The following CNOT6L variants were observed in gnomAD, a reference collection of about 807,000 sequenced individuals.
The protein encoded by CNOT6L is CCR4-NOT transcription complex subunit 6-like.
Under a neutral mutation model 64.0 loss-of-function variants are expected in CNOT6L, and 7 were observed. That is an observed-to-expected ratio of 0.11 (90% CI 0.06 to 0.21). The LOEUF is 0.21. Ranked by LOEUF, CNOT6L falls within the 10% of genes least tolerant of loss-of-function variation. The probability of loss-of-function intolerance (pLI) is 1.00; values close to 1 mark genes in which losing one functional copy is unlikely to be tolerated. For synonymous variants in CNOT6L, 193 were observed against 243.4 expected (o/e 0.79, Z 1.93); for missense variants, 245 against 669.0 (o/e 0.37, Z 6.99).
intron 5 of CNOT6L, among the ~76,000 whole-genome samples, chr4:77,753,457 G>T (rs1472712244): frequency 6.6e-6 from 1 of 152,034 alleles, no homozygotes; most frequent in African/African-American, 2.4e-5. Flanking sequence ...GATTGCTTGA[G>T]GTCAGGAGTT....
rs1722309581 is a variant in CNOT6L, at chr4:77,730,363, T to C, written c.1024+1024A>G. Among the ~76,000 whole-genome samples the C allele has an allele frequency of 1.3e-5, 2 of 152,048 alleles. 1 individual carries two copies. Among genetic ancestry groups the C allele is most frequent in the Non-Finnish European group, 2.9e-5 (2 of 67,962 alleles). ...GATTAAGTATTCACAATATTAAAAA[T>C]TTTCCCCTTCAAAGAGCCATAAGCA... On this transcript the variant is annotated intron_variant, in intron 9 of 11. Transcript: ENST00000504123.
intron 4 of CNOT6L, among the ~76,000 whole-genome samples, chr4:77,759,953 G>A (rs1051525481): frequency 3.3e-5 from 5 of 152,120 alleles, no homozygotes; most frequent in Non-Finnish European, 7.4e-5. Flanking sequence ...AAAACATACA[G>A]TTATGGCCTA....
rs1028809540 is a variant in CNOT6L at position 77,818,967 on chromosome 4, C to T, written c.5+337G>A. The stretch of plus-strand genomic sequence containing the variant: ...TCCCCGGCCGGCCCCCTAGGAGCAG[C>T]TCTCACCTGCGAGGCTCGGGAGCCG... On this transcript the variant is annotated intron_variant, in intron 1 of 11. Transcript: ENST00000504123. The T allele has an allele frequency of 1.5e-5, 10 of 666,242 alleles. No homozygotes were observed. The Admixed American group carries it at 1.7e-4, about 11-fold the overall frequency. The allele number at this position is 666,242 out of a possible 1,614,324, so 41.3% of individuals were successfully genotyped here.
At chr4:77,801,250 T>C (rs1346488445) in intron 1 of CNOT6L, among the ~76,000 whole-genome samples, 2 of 152,152 alleles carry the variant, frequency 1.3e-5, no homozygotes, top group Non-Finnish European at 1.5e-5. Flanking sequence ...CCCACAAAGG[T>C]AGCAGAGTCT....
At chr4:77,796,535 C>T (rs766043055) in intron 1 of CNOT6L, among the ~76,000 whole-genome samples, 17 of 152,178 alleles carry the variant, frequency 1.1e-4, no homozygotes, top group South Asian at 6.2e-4. Flanking sequence ...CATGATTCTA[C>T]GTTTCCTGAG....
intron 5 of CNOT6L, among the ~76,000 whole-genome samples, chr4:77,755,304 A>G (rs1430050502): frequency 1.7e-5 from 2 of 119,682 alleles, no homozygotes; most frequent in Non-Finnish European, 3.2e-5. Context: ...GCAGTGGCGC[A>G]ATCTCGGGTT....
intron 1 of CNOT6L, among the ~76,000 whole-genome samples, chr4:77,797,894 T>C (rs1413002634): frequency 6.6e-6 from 1 of 152,160 alleles, no homozygotes; most frequent in Non-Finnish European, 1.5e-5. Flanking sequence ...ATAAAATATC[T>C]AGAAGAAAAC....
At chr4:77,819,488 G>C (rs988847871), upstream of CNOT6L, 1 of 1,333,920 alleles carries the variant, frequency 7.5e-7, no homozygotes, top group African/African-American at 1.5e-5. Flanking sequence ...CCCGCCCCGA[G>C]GGGAAGCCGC....
At chr4:77,784,976 G>A (rs1402819669) in intron 1 of CNOT6L, among the ~76,000 whole-genome samples, 4 of 152,056 alleles carry the variant, frequency 2.6e-5, no homozygotes, top group Non-Finnish European at 4.4e-5. Context: ...ATCTAAAATA[G>A]CCAGTACACT....
chr4:77,722,233 A>G (rs1267675303), intron 11 of CNOT6L, among the ~76,000 whole-genome samples: 1 of 152,128 alleles, frequency 6.6e-6, no homozygotes. Context: ...AACACATGAA[A>G]TAATCTCAAT....
chr4:77,819,517 T>G (rs2110208522), upstream of CNOT6L: 9 of 877,062 alleles, frequency 1.0e-5, no homozygotes, highest in East Asian at 8.3e-5. Flanking sequence ...ACAGGGCCCG[T>G]AACCGGGGCT....
At chr4:77,755,827 G>A (rs1231412872) in intron 5 of CNOT6L, among the ~76,000 whole-genome samples, 3 of 151,046 alleles carry the variant, frequency 2.0e-5, no homozygotes, top group Non-Finnish European at 4.4e-5. Context: ...TTTTCTAGCT[G>A]TTTCAGAATT....
At chr4:77,809,813 C>CT (rs1732703859) in intron 1 of CNOT6L, among the ~76,000 whole-genome samples, 1 of 151,930 alleles carries the variant, frequency 6.6e-6, no homozygotes, top group Admixed American at 6.6e-5. Flanking sequence ...AGAGTTTAAA[C>CT]TTTAAGATTA....
At position 77,776,347 on chromosome 4, in the gene CNOT6L, G is replaced by A. The variant is rs994896103; in HGVS notation, c.51C>T (p.Arg17=). Residue 17 remains arginine (R), a synonymous_variant, in exon 2 of 12, where the codon CGC becomes CGT. Coordinates refer to ENST00000504123, the MANE Select transcript of CNOT6L (RefSeq NM_144571.3). ...PKEKYDPPDP[R]RIYTIMSAEE... ...CTGCTGACATGATGGTATAAATTCT[G>A]CGAGGATCTGGAGGATCATATTTTT... The A allele has an allele frequency of 1.9e-6, 3 of 1,610,240 alleles. No individual in the cohort carries two copies. In the African/African-American group the frequency reaches 4.0e-5, roughly 22 times the overall value.
At chr4:77,735,068 G>A (rs1722800350) in intron 8 of CNOT6L, among the ~76,000 whole-genome samples, 1 of 152,102 alleles carries the variant, frequency 6.6e-6, no homozygotes, top group Non-Finnish European at 1.5e-5. Context: ...CCTACTCATG[G>A]TCACATACTT....
chr4:77,754,887 G>GAAAAAAAA (rs1725286474), intron 5 of CNOT6L, among the ~76,000 whole-genome samples: 8 of 12,302 alleles, frequency 6.5e-4, no homozygotes, highest in East Asian at 1.8e-3. Flanking sequence ...AACATTAGAA[G>GAAAAAAAA]TAAAAAAAAA....
rs1168462018 is a variant in CNOT6L at position 77,717,859 on chromosome 4, T to TTACC, written c.*2568_*2571dup. The TTACC allele has an allele frequency of 6.6e-6, 1 of 152,396 alleles. No homozygotes were observed. The highest frequency in any genetic ancestry group is 2.4e-5 in the African/African-American group (1 of 41,406). The allele number at this position is 152,396 out of a possible 1,614,324, so 9.4% of individuals were successfully genotyped here. On this transcript the variant is annotated 3_prime_UTR_variant, in exon 12 of 12. Transcript: ENST00000504123. ...GTGTACCACCCAAAACATAACACAA[T>TTACC]TACCTACTTCAACAGAGCTACTACC...
chr4:77,817,448 C>G (rs1479694993), intron 1 of CNOT6L, among the ~76,000 whole-genome samples: 1 of 152,174 alleles, frequency 6.6e-6, no homozygotes, highest in African/African-American at 2.4e-5. Context: ...TGCCCATAGT[C>G]AGGGCTGCAG....
intron 4 of CNOT6L, among the ~76,000 whole-genome samples, chr4:77,765,799 A>G (rs772348885): frequency 3.3e-5 from 5 of 152,212 alleles, no homozygotes; most frequent in African/African-American, 4.8e-5. Context: ...GGTCAAGGCA[A>G]CCCATCATTA....
Sources: allele counts gnomAD v4.1 joint callset (sites outside exome capture counted in the v4.1 genomes callset), GRCh38; gene constraint gnomAD v4.1.1; transcripts MANE v1.5; gene names NCBI Gene and HGNC (gene_info 2026-07-23, HGNC 2026-07-21).